STRN3: variants seen among roughly 807,000 people sequenced by gnomAD.
STRN3 encodes striatin-3.
Under a neutral mutation model 95.6 loss-of-function variants are expected in STRN3, and 29 were observed. That is an observed-to-expected ratio of 0.30 (90% CI 0.23 to 0.41). The LOEUF is 0.41. STRN3 is among the 10% of genes least tolerant of loss of function. The probability of loss-of-function intolerance (pLI) is 1.00; values close to 1 mark genes in which losing one functional copy is unlikely to be tolerated. For missense variants in STRN3, 890 were observed against 972.1 expected, an observed-to-expected ratio of 0.92 and a Z score of 1.12; for synonymous variants, 331 against 357.6, an observed-to-expected ratio of 0.93 and a Z score of 0.84.
rs1896088426 is a variant in STRN3 at position 30,894,901 on chromosome 14, T to A, written c.*510A>T. ...AGTTAAATTTTCTTTTTCTTTTTTTTTTTTTTTAAAGCAAAATAAGTTTAA... is the reference window on the plus strand; with the variant it reads ...AGTTAAATTTTCTTTTTCTTTTTTTATTTTTTTAAAGCAAAATAAGTTTAA... On this transcript the variant is annotated 3_prime_UTR_variant, in exon 18 of 18. Coordinates refer to ENST00000357479, the MANE Select transcript of STRN3 (RefSeq NM_001083893.2). 9.4e-7 allele frequency: 1 copy of A among 1,058,212 alleles called. No individual in the cohort carries two copies. The highest frequency in any genetic ancestry group is 6.6e-5 in the East Asian group (1 of 15,138). 65.6% of individuals were successfully genotyped at this position (1,058,212 alleles called of 1,614,324 possible).
At chr14:30,924,285 A>AATTTTTTTTTT (rs1896959246) in intron 8 of STRN3, among the ~76,000 whole-genome samples, 1 of 33,562 alleles carries the variant, frequency 3.0e-5, no homozygotes, top group African/African-American at 1.0e-4. Flanking sequence ...CATGCCTTAA[A>AATTTTTTTTTT]TCTTTTTTTT....
chr14:30,967,317 GCAGAGAGA>G (rs1313283618), intron 1 of STRN3, among the ~76,000 whole-genome samples: 4 of 151,532 alleles, frequency 2.6e-5, no homozygotes, highest in Admixed American at 1.3e-4. Context: ...GGGGAAAGAG[GCAGAGAGA>G]CAGAGAGTCA....
rs547182288 is a variant in STRN3 at position 31,008,327 on chromosome 14, G to A, written c.282+17577C>T. On this transcript the variant is annotated intron_variant, in intron 1 of 17. Transcript: ENST00000357479. ...AGTTCAAGACCAGCCTATACATCATGGCAAAACCCAGTCTCTATAAAAATA... is the reference window on the plus strand; with the variant it reads ...AGTTCAAGACCAGCCTATACATCATAGCAAAACCCAGTCTCTATAAAAATA... 2.3e-4 allele frequency among the ~76,000 whole-genome samples: 35 copies of A among 151,896 alleles called. 2 individuals carry two copies. In the South Asian group the frequency reaches 7.1e-3, roughly 31 times the overall value.
chr14:30,989,704 C>T (rs952319084), intron 1 of STRN3, among the ~76,000 whole-genome samples: 6 of 152,014 alleles, frequency 3.9e-5, no homozygotes, highest in Admixed American at 1.3e-4. Context: ...GTGATCCATC[C>T]GCCTCAGCCT....
intron 8 of STRN3, among the ~76,000 whole-genome samples, chr14:30,926,114 A>G (rs1897021837): frequency 6.6e-6 from 1 of 152,104 alleles, no homozygotes; most frequent in Admixed American, 6.5e-5. Context: ...TTCTGTATTA[A>G]AGAGTGAAAA....
At chr14:31,010,512 A>G (rs754730276) in intron 1 of STRN3, among the ~76,000 whole-genome samples, 1 of 152,056 alleles carries the variant, frequency 6.6e-6, no homozygotes, top group Non-Finnish European at 1.5e-5. Context: ...ATTTTTTTAA[A>G]ATAAGGAAAA....
chr14:30,982,098 C>CAAAAAAA (rs11451891), intron 1 of STRN3, among the ~76,000 whole-genome samples: 56 of 75,108 alleles, frequency 7.5e-4, no homozygotes, highest in Non-Finnish European at 7.9e-4. Context: ...CTCTGTCTCA[C>CAAAAAAA]AAAAAAAAAA....
At chr14:30,934,741 G>GACTAATT (rs1878732058) in intron 7 of STRN3, among the ~76,000 whole-genome samples, 1 of 151,880 alleles carries the variant, frequency 6.6e-6, no homozygotes, top group South Asian at 2.1e-4. Context: ...TCTAATTACT[G>GACTAATT]ACTAATTACT....
chr14:31,002,046 A>C (rs768817674), intron 1 of STRN3, among the ~76,000 whole-genome samples: 4 of 151,748 alleles, frequency 2.6e-5, no homozygotes, highest in Non-Finnish European at 5.9e-5. Context: ...CATGGCTGTA[A>C]TCCTAGCTAC....
rs1879411237 is a variant in STRN3 at position 30,947,271 on chromosome 14, A to G, written c.543-8T>C. 1 of 1,564,918 alleles carries G rather than the reference A, an allele frequency of 6.4e-7. No individual in the cohort carries two copies. Among genetic ancestry groups the G allele is most frequent in the African/African-American group, 1.4e-5 (1 of 72,394 alleles). ...CCTACTTCCTGAAGATACCTGTAAG[A>G]GAAAATAAATATTAAAATCCACATA... On this transcript the variant is annotated splice_polypyrimidine_tract_variant and splice_region_variant and intron_variant, in intron 4 of 17. Coordinates refer to ENST00000357479, the MANE Select transcript of STRN3 (RefSeq NM_001083893.2).
At chr14:30,897,883 A>C (rs1896200709) in intron 16 of STRN3, among the ~76,000 whole-genome samples, 1 of 152,228 alleles carries the variant, frequency 6.6e-6, no homozygotes, top group Admixed American at 6.5e-5. Flanking sequence ...ACAGTGTATA[A>C]AATGGTTGGC....
rs531046774 is a variant in STRN3, at chr14:31,024,511, A to G, written c.282+1393T>C. On this transcript the variant is annotated intron_variant, in intron 1 of 17. Coordinates refer to ENST00000357479, the MANE Select transcript of STRN3 (RefSeq NM_001083893.2). Reference sequence around the variant, plus strand: ...ATATTATATCAAAACACAATTGTAAAGCACTGAAATGACTAACAAGTGTTA... The same window carrying G: ...ATATTATATCAAAACACAATTGTAAGGCACTGAAATGACTAACAAGTGTTA... Among the ~76,000 whole-genome samples the G allele has an allele frequency of 7.9e-5, 12 of 152,338 alleles. No individual in the cohort carries two copies. The South Asian group carries it at 1.0e-3, about 13-fold the overall frequency.
intron 1 of STRN3, among the ~76,000 whole-genome samples, chr14:30,981,277 G>A (rs12897351): frequency 0.2 from 30,283 of 151,940 alleles, 3,416 homozygotes; most frequent in Non-Finnish European, 0.26. Context: ...CTGCACCACT[G>A]CACTCCAGCC....
chr14:30,977,311 TAAACA>T (rs1304288578), intron 1 of STRN3, among the ~76,000 whole-genome samples: 1 of 151,738 alleles, frequency 6.6e-6, no homozygotes, highest in African/African-American at 2.4e-5. Context: ...AACAGCATTA[TAAACA>T]AAAGAAATAA....
At chr14:30,903,405 AT>A (rs775857662) in intron 15 of STRN3, among the ~76,000 whole-genome samples, 2 of 151,904 alleles carry the variant, frequency 1.3e-5, no homozygotes, top group African/African-American at 2.4e-5. Flanking sequence ...TTATAAAACA[AT>A]TTTTTTTGTT....
chr14:30,906,068 G>T (rs1896453432), intron 14 of STRN3, among the ~76,000 whole-genome samples: 1 of 152,110 alleles, frequency 6.6e-6, no homozygotes, highest in Admixed American at 6.6e-5. Context: ...CCCTAAAATG[G>T]CCTGAGCAGC....
intron 1 of STRN3, among the ~76,000 whole-genome samples, chr14:30,972,521 A>G (rs533690963): frequency 5.9e-5 from 9 of 152,248 alleles, no homozygotes. Flanking sequence ...AGAAAATTTT[A>G]TATTCGAGTG....
At chr14:30,970,662 T>G (rs1375962425) in intron 1 of STRN3, among the ~76,000 whole-genome samples, 1 of 152,188 alleles carries the variant, frequency 6.6e-6, no homozygotes, top group East Asian at 1.9e-4. Context: ...TAAGCCTTTT[T>G]CCAAAACCTC....
chr14:30,979,961 A>G (rs1185663523), intron 1 of STRN3, among the ~76,000 whole-genome samples: 1 of 148,726 alleles, frequency 6.7e-6, no homozygotes, highest in Non-Finnish European at 1.5e-5. Context: ...CATAAGAATT[A>G]TTTCAGGCCA....
Sources: allele counts gnomAD v4.1 joint callset (sites outside exome capture counted in the v4.1 genomes callset), GRCh38; gene constraint gnomAD v4.1.1; transcripts MANE v1.5; gene names NCBI Gene and HGNC (gene_info 2026-07-23, HGNC 2026-07-21).